GHR: variants seen among roughly 807,000 people sequenced by gnomAD.
GHR encodes the protein GH receptor.
In GHR, 35 loss-of-function variants were observed where a neutral mutation model predicts 67.1. The ratio of observed to expected loss-of-function variants is 0.52; its 90% CI spans 0.40 to 0.69. The LOEUF is 0.69. GHR is among the 30% of genes least tolerant of loss of function. The pLI is 0.00. For synonymous variants in GHR, 272 were observed against 269.1 expected (o/e 1.01, Z -0.10); for missense variants, 792 against 764.6 (o/e 1.04, Z -0.42).
chr5:42,638,536 A>G (rs1223567042), intron 3 of GHR, among the ~76,000 whole-genome samples: 1 of 152,186 alleles, frequency 6.6e-6, no homozygotes, highest in Non-Finnish European at 1.5e-5. Context: ...CTACAAATCT[A>G]TACAGCATGT....
intron 2 of GHR, among the ~76,000 whole-genome samples, chr5:42,569,984 C>T (rs1163237829): frequency 6.6e-6 from 1 of 152,156 alleles, no homozygotes; most frequent in East Asian, 1.9e-4. Flanking sequence ...TGACAAAACA[C>T]TTACTTGAAA....
intron 2 of GHR, among the ~76,000 whole-genome samples, chr5:42,591,330 A>G (rs1751764496): frequency 2.0e-5 from 3 of 152,368 alleles, no homozygotes; most frequent in Middle Eastern, 3.4e-3. Context: ...CCTGTCTGAG[A>G]CAACTGGCTC....
intron 1 of GHR, among the ~76,000 whole-genome samples, chr5:42,439,982 T>C (rs574624002): frequency 4.6e-5 from 7 of 152,316 alleles, no homozygotes; most frequent in Middle Eastern, 3.4e-3. Flanking sequence ...CTGACCCTGA[T>C]TCATGGGATT....
rs1367575979 is a variant in GHR, at chr5:42,721,313, T to A, written c.*1889T>A. ...ATCTCAGTGAAGAATACTTCTCATT[T>A]TTTAAAAAAGCTTAAAACTTTGAAG... On this transcript the variant is annotated 3_prime_UTR_variant, in exon 10 of 10. Transcript: ENST00000230882. The A allele has an allele frequency of 6.6e-6, 1 of 152,248 alleles. No homozygotes were observed. The highest frequency in any genetic ancestry group is 6.5e-5 in the Admixed American group (1 of 15,284). 9.4% of individuals were successfully genotyped at this position (152,248 alleles called of 1,614,324 possible).
chr5:42,545,015 AATG>A (rs2084254916), intron 1 of GHR, among the ~76,000 whole-genome samples: 1 of 152,150 alleles, frequency 6.6e-6, no homozygotes, highest in Non-Finnish European at 1.5e-5. Context: ...GATTTACTGT[AATG>A]ATACCAGATC....
chr5:42,581,037 G>T (rs549434198), intron 2 of GHR, among the ~76,000 whole-genome samples: 7 of 152,260 alleles, frequency 4.6e-5, no homozygotes, highest in Admixed American at 4.6e-4. Context: ...ATGAGGATGC[G>T]TCTCTTGATT....
chr5:42,604,617 T>C (rs1441206841), intron 2 of GHR, among the ~76,000 whole-genome samples: 1 of 152,070 alleles, frequency 6.6e-6, no homozygotes, highest in African/African-American at 2.4e-5. Flanking sequence ...CTGCTTCTAA[T>C]GTCTAAAGCA....
At chr5:42,600,172 C>G (rs68017592) in intron 2 of GHR, among the ~76,000 whole-genome samples, 23,906 of 152,180 alleles carry the variant, frequency 0.16, 2,099 homozygotes, top group Middle Eastern at 0.27. Context: ...CACCAGCTAG[C>G]ATGGAAGTAC....
chr5:42,604,101 G>A (rs1027676094), intron 2 of GHR, among the ~76,000 whole-genome samples: 12 of 152,202 alleles, frequency 7.9e-5, no homozygotes, highest in African/African-American at 2.9e-4. Context: ...GTAAGGTCAG[G>A]AAGGGTCATG....
intron 1 of GHR, among the ~76,000 whole-genome samples, chr5:42,441,336 A>C (rs1404195774): frequency 1.3e-5 from 2 of 152,122 alleles, no homozygotes; most frequent in Non-Finnish European, 2.9e-5. Context: ...GTTTTGAAGG[A>C]CTTTAGGGAG....
chr5:42,636,693 T>C (rs1317014650), intron 3 of GHR, among the ~76,000 whole-genome samples: 1 of 152,202 alleles, frequency 6.6e-6, no homozygotes, highest in Non-Finnish European at 1.5e-5. Context: ...TGGGAAAATA[T>C]CTTGAATTTA....
At chr5:42,448,949 T>G (rs547625189) in intron 1 of GHR, among the ~76,000 whole-genome samples, 1 of 152,276 alleles carries the variant, frequency 6.6e-6, no homozygotes, top group African/African-American at 2.4e-5. Flanking sequence ...GCTGTAAGCA[T>G]TTGCCTTTAT....
intron 3 of GHR, among the ~76,000 whole-genome samples, chr5:42,688,270 C>G (rs1757254090): frequency 6.6e-6 from 1 of 152,238 alleles, no homozygotes; most frequent in Non-Finnish European, 1.5e-5. Flanking sequence ...CCCTGCCGGG[C>G]AGACTCAGGT....
chr5:42,482,756 C>A (rs1745706907), intron 1 of GHR, among the ~76,000 whole-genome samples: 1 of 152,168 alleles, frequency 6.6e-6, no homozygotes, highest in Non-Finnish European at 1.5e-5. Flanking sequence ...GTGGGAGTGA[C>A]CTGATTTTCC....
In GHR at chr5:42,548,218, T is replaced by C. The variant is rs184358141; in HGVS notation, c.-11-17646T>C. 80 of 974,522 alleles carry C rather than the reference T, an allele frequency of 8.2e-5. No homozygotes were observed. In the Admixed American group the frequency reaches 4.9e-3, roughly 60 times the overall value. 60.4% of individuals were successfully genotyped at this position (974,522 alleles called of 1,614,324 possible). On this transcript the variant is annotated intron_variant, in intron 1 of 9. Coordinates refer to ENST00000230882, the MANE Select transcript of GHR (RefSeq NM_000163.5). ...TAATTTACTCCTCTGGTACCAGATA[T>C]GTGTGTGTGTGCATGAGAGAGAGAG...
At chr5:42,605,781 GGAAGTGCCCTCATGCCTGTTCA>G (rs1436505049) in intron 2 of GHR, among the ~76,000 whole-genome samples, 5 of 152,220 alleles carry the variant, frequency 3.3e-5, no homozygotes, top group African/African-American at 1.2e-4. Flanking sequence ...AGGAGCTGCA[GGAAGTGCCCTCATGCCTGTTCA>G]GACTCCCGGA....
intron 2 of GHR, among the ~76,000 whole-genome samples, chr5:42,576,590 C>T (rs1750758026): frequency 1.3e-5 from 2 of 152,072 alleles, no homozygotes; most frequent in Non-Finnish European, 2.9e-5. Flanking sequence ...CAATATATGC[C>T]TAAAAGAAGC....
At chr5:42,543,871 C>T (rs1277277944) in intron 1 of GHR, among the ~76,000 whole-genome samples, 1 of 152,028 alleles carries the variant, frequency 6.6e-6, no homozygotes, top group East Asian at 1.9e-4. Context: ...CCCTCCAAGG[C>T]TCGTAACTGC....
At chr5:42,714,856 A>G (rs938691822) in intron 8 of GHR, among the ~76,000 whole-genome samples, 1 of 152,232 alleles carries the variant, frequency 6.6e-6, no homozygotes, top group Non-Finnish European at 1.5e-5. Flanking sequence ...TTATTAATCT[A>G]TATATTTGGT....
Sources: allele counts gnomAD v4.1 joint callset (sites outside exome capture counted in the v4.1 genomes callset), GRCh38; gene constraint gnomAD v4.1.1; transcripts MANE v1.5; gene names NCBI Gene and HGNC (gene_info 2026-07-23, HGNC 2026-07-21).